The following ASZ1 variants were observed in gnomAD, a reference collection of about 807,000 sequenced individuals.
ASZ1 encodes the protein ankyrin repeat, SAM and basic leucine zipper domain containing 1.
In ASZ1, 67 loss-of-function variants were observed where a neutral mutation model predicts 61.8. The ratio of observed to expected loss-of-function variants is 1.08; its 90% CI spans 0.89 to 1.33. ASZ1 has a LOEUF of 1.33. Ranked by LOEUF, ASZ1 falls within the 40% of genes most tolerant of loss-of-function variation. ASZ1 has a pLI of 0.00. For missense variants in ASZ1, 577 were observed against 554.5 expected (o/e 1.04, Z -0.41); for synonymous variants, 193 against 192.7 (o/e 1.00, Z -0.01).
intron 4 of ASZ1, among the ~76,000 whole-genome samples, chr7:117,398,902 T>A (rs1796623862): frequency 6.6e-6 from 1 of 152,180 alleles, no homozygotes; most frequent in African/African-American, 2.4e-5. Flanking sequence ...ATTTTTATGA[T>A]CTTCAGTTGG....
At chr7:117,415,742 A>G (rs1052255001) in intron 4 of ASZ1, among the ~76,000 whole-genome samples, 14 of 152,166 alleles carry the variant, frequency 9.2e-5, no homozygotes, top group Non-Finnish European at 2.1e-4. Context: ...AAGAATGAAA[A>G]CTGAAAAAAA....
chr7:117,398,149 CTCCTA>C (rs1389349374), intron 4 of ASZ1, among the ~76,000 whole-genome samples: 1 of 152,228 alleles, frequency 6.6e-6, no homozygotes, highest in Non-Finnish European at 1.5e-5. Flanking sequence ...GCTTAAAACA[CTCCTA>C]TCCTATGGAG....
At chr7:117,367,325 C>T (rs779739765) in intron 12 of ASZ1, 27 bp downstream of exon 12, 4 of 1,413,328 alleles carry the variant, frequency 2.8e-6, no homozygotes, top group East Asian at 5.3e-5. Flanking sequence ...CTTCATTTTT[C>T]CCCTCCTTTT....
intron 10 of ASZ1, among the ~76,000 whole-genome samples, chr7:117,369,812 A>C (rs1796015200): frequency 6.6e-6 from 1 of 152,220 alleles, no homozygotes; most frequent in African/African-American, 2.4e-5. Context: ...ACATTATGGC[A>C]TAATAATTAA....
chr7:117,406,933 G>A (rs536259496), intron 4 of ASZ1, among the ~76,000 whole-genome samples: 178 of 152,036 alleles, frequency 1.2e-3, no homozygotes, highest in African/African-American at 4.1e-3. Context: ...AATCTCTAGG[G>A]TAGCCACTCA....
At chr7:117,363,877 G>T in intron 12 of ASZ1, 129 bp from the exon 13 acceptor site, 1 of 681,470 alleles carries the variant, frequency 1.5e-6, no homozygotes, top group Non-Finnish European at 2.1e-6. Flanking sequence ...GGCAACTCAA[G>T]ATTCCCATGG....
At chr7:117,385,927 G>A (rs972805263) in intron 4 of ASZ1, 118 bp from the exon 5 acceptor site, 5 of 779,730 alleles carry the variant, frequency 6.4e-6, no homozygotes, top group African/African-American at 3.6e-5. Flanking sequence ...AGAAATGAAA[G>A]CTTTTGCTAA....
intron 12 of ASZ1, among the ~76,000 whole-genome samples, chr7:117,364,359 T>C (rs956637774): frequency 2.0e-5 from 3 of 151,930 alleles, no homozygotes; most frequent in African/African-American, 7.3e-5. Flanking sequence ...CTACCTACTG[T>C]GTGTGTGTGC....
At chr7:117,395,056 T>G (rs146774176) in intron 4 of ASZ1, among the ~76,000 whole-genome samples, 217 of 152,338 alleles carry the variant, frequency 1.4e-3, no homozygotes, top group African/African-American at 4.9e-3. Flanking sequence ...TTGGTGATTT[T>G]TGGTTGTGCA....
intron 4 of ASZ1, among the ~76,000 whole-genome samples, chr7:117,416,341 C>T (rs1309454944): frequency 1.3e-5 from 2 of 152,198 alleles, no homozygotes; most frequent in African/African-American, 4.8e-5. Flanking sequence ...AGCCTAAATA[C>T]TTTAAAATTC....
At chr7:117,415,659 AC>A (rs987264963) in intron 4 of ASZ1, among the ~76,000 whole-genome samples, 1 of 152,184 alleles carries the variant, frequency 6.6e-6, no homozygotes, top group Non-Finnish European at 1.5e-5. Flanking sequence ...TCAGGCGTCT[AC>A]TAGGGGGTCT....
At chr7:117,379,160 TA>T (rs1562847684) in intron 10 of ASZ1, among the ~76,000 whole-genome samples, 1 of 56,446 alleles carries the variant, frequency 1.8e-5, no homozygotes, top group Non-Finnish European at 3.3e-5. Flanking sequence ...TATATATATA[TA>T]TATATATACA....
At chr7:117,401,749 C>T (rs1366074208) in intron 4 of ASZ1, among the ~76,000 whole-genome samples, 1 of 152,170 alleles carries the variant, frequency 6.6e-6, no homozygotes, top group East Asian at 1.9e-4. Flanking sequence ...ATCCCCTGTA[C>T]AGCCTGCATT....
intron 4 of ASZ1, among the ~76,000 whole-genome samples, chr7:117,386,965 T>C (rs190997539): frequency 1.6e-4 from 24 of 151,846 alleles, no homozygotes; most frequent in Middle Eastern, 3.4e-3. Context: ...CTTTATGAGG[T>C]AAAGATTGAA....
At chr7:117,364,121 A>G (rs917639713) in intron 12 of ASZ1, among the ~76,000 whole-genome samples, 14 of 152,316 alleles carry the variant, frequency 9.2e-5, no homozygotes, top group African/African-American at 3.1e-4. Context: ...AACGTCTTAC[A>G]AAAAAGTGAA....
rs964026754 is a variant in ASZ1 at position 117,418,336 on chromosome 7, C to T, written c.440+1827G>A. Among the ~76,000 whole-genome samples the T allele has an allele frequency of 1.8e-4, 28 of 151,982 alleles. 1 individual carries two copies. The highest frequency in any genetic ancestry group is 1.8e-3 in the Admixed American group (27 of 15,260). ...AGTTACATTTTACTAAGGATTATAC[C>T]ATATATGACAGGATAAAAGTTTCGT... On this transcript the variant is annotated intron_variant, in intron 4 of 12. Transcript: ENST00000284629.
At chr7:117,365,630 T>G (rs921525000) in intron 12 of ASZ1, among the ~76,000 whole-genome samples, 1 of 152,192 alleles carries the variant, frequency 6.6e-6, no homozygotes, top group African/African-American at 2.4e-5. Flanking sequence ...TACATATGCT[T>G]CTAAACTTCC....
At chr7:117,422,459 T>C in intron 2 of ASZ1, 100 bp from the exon 3 acceptor site, 1 of 1,291,188 alleles carries the variant, frequency 7.7e-7, no homozygotes, top group Non-Finnish European at 1.0e-6. Context: ...ACGTACATCA[T>C]GTACTTTATT....
chr7:117,399,757 A>G (rs1796645035), intron 4 of ASZ1, among the ~76,000 whole-genome samples: 1 of 152,208 alleles, frequency 6.6e-6, no homozygotes, highest in Non-Finnish European at 1.5e-5. Flanking sequence ...TTGGGGAATG[A>G]TAAAATTGTT....
Sources: gnomAD v4.1 joint callset for allele counts (sites outside exome capture counted in the v4.1 genomes callset) on GRCh38, gnomAD v4.1.1 for gene constraint, MANE v1.5 for transcripts, NCBI Gene and HGNC (gene_info 2026-07-23, HGNC 2026-07-21) for gene names.